DPP6: variants seen among roughly 807,000 people sequenced by gnomAD.
DPP6 encodes the protein dipeptidyl peptidase like 6, also known as A-type potassium channel modulatory protein DPP6.
In DPP6, 69 loss-of-function variants were observed where a neutral mutation model predicts 122.6. That is an observed-to-expected ratio of 0.56 (90% CI 0.46 to 0.69). DPP6 has a LOEUF of 0.69. Among genes scored for constraint, DPP6 ranks in the 30% least tolerant of loss-of-function variants. The probability of loss-of-function intolerance (pLI) is 0.00; values close to 1 mark genes in which losing one functional copy is unlikely to be tolerated. For missense variants in DPP6, 928 were observed against 1,116.9 expected (o/e 0.83, Z 2.41); for synonymous variants, 418 against 433.1 (o/e 0.97, Z 0.43).
the DPP6 span, among the ~76,000 whole-genome samples, chr7:153,866,468 T>C: frequency 4.6e-5 from 7 of 152,376 alleles, no homozygotes; most frequent in South Asian, 1.4e-3. Flanking sequence ...GAAGTGTCTG[T>C]TCATATCCTT....
At chr7:153,936,810 CAA>C (rs11352622) in intron 1 of DPP6, among the ~76,000 whole-genome samples, 6 of 148,272 alleles carry the variant, frequency 4.0e-5, no homozygotes, top group South Asian at 2.2e-4. Context: ...GACTCCGTCT[CAA>C]AAAAAAAAAG....
intron 3 of DPP6, among the ~76,000 whole-genome samples, chr7:154,518,848 T>C (rs111343688): frequency 1.8e-4 from 27 of 152,314 alleles, no homozygotes; most frequent in African/African-American, 4.8e-4. Context: ...CCCATTTTTT[T>C]TCAGATGGGA....
chr7:154,641,441 A>G (rs1053841008), intron 6 of DPP6, among the ~76,000 whole-genome samples: 1 of 152,238 alleles, frequency 6.6e-6, no homozygotes, highest in Non-Finnish European at 1.5e-5. Flanking sequence ...GGAATCTTCC[A>G]TGGTGGAGTC....
intron 1 of DPP6, among the ~76,000 whole-genome samples, chr7:153,964,785 TC>T (rs11323803): frequency 0.01 from 727 of 71,562 alleles, 17 homozygotes; most frequent in African/African-American, 0.037. Flanking sequence ...GTGGCTCCTT[TC>T]CTTTCCTTTC....
chr7:154,487,863 G>A (rs1002664824), intron 3 of DPP6, among the ~76,000 whole-genome samples: 5 of 152,002 alleles, frequency 3.3e-5, no homozygotes, highest in South Asian at 2.1e-4. Flanking sequence ...TGATCTCTTC[G>A]GTAACTGAGC....
chr7:153,990,004 T>A (rs1797079475), intron 1 of DPP6, among the ~76,000 whole-genome samples: 1 of 98,966 alleles, frequency 1.0e-5, no homozygotes, highest in Non-Finnish European at 2.0e-5. Flanking sequence ...AGCCTTGCCC[T>A]CAGTCCTGCC....
chr7:154,498,830 C>T (rs1305873203), intron 3 of DPP6, among the ~76,000 whole-genome samples: 5 of 152,188 alleles, frequency 3.3e-5, no homozygotes, highest in Admixed American at 2.0e-4. Context: ...CCACCACCTA[C>T]GCTGTAAAAA....
chr7:154,303,408 C>G (rs776074060), intron 1 of DPP6, among the ~76,000 whole-genome samples: 1 of 152,108 alleles, frequency 6.6e-6, no homozygotes, highest in African/African-American at 2.4e-5. Context: ...GACCTTACAC[C>G]GCAGTGGCTC....
intron 1 of DPP6, among the ~76,000 whole-genome samples, chr7:153,893,382 C>T (rs1453279136): frequency 6.6e-6 from 1 of 152,222 alleles, no homozygotes; most frequent in Non-Finnish European, 1.5e-5. Flanking sequence ...ATATGAACAT[C>T]TAGTATTCAT....
Position 154,123,471 on chromosome 7 carries a change from G to T in DPP6, c.243+70408G>T, listed in dbSNP as rs1454643273. 2.0e-5 allele frequency among the ~76,000 whole-genome samples: 3 copies of T among 152,042 alleles called. No homozygotes were observed. The South Asian group carries it at 6.2e-4, about 32-fold the overall frequency. ...TAATAAGTGGTATTTCATAAACCAG[G>T]ATACATGATCATTTACTTCCTGATA... On this transcript the variant is annotated intron_variant, in intron 1 of 25. Coordinates refer to ENST00000377770, the MANE Select transcript of DPP6 (RefSeq NM_130797.4).
chr7:154,525,670 A>G (rs1827348052), intron 3 of DPP6, among the ~76,000 whole-genome samples: 1 of 152,248 alleles, frequency 6.6e-6, no homozygotes, highest in Admixed American at 6.5e-5. Context: ...CACATGGTCC[A>G]TACCAAATAT....
At chr7:153,833,127 C>G in the DPP6 span, among the ~76,000 whole-genome samples, 3 of 152,152 alleles carry the variant, frequency 2.0e-5, no homozygotes, top group African/African-American at 7.2e-5. Flanking sequence ...CATGGCAATG[C>G]GAAAATGTTG....
chr7:154,845,649 A>G (rs774490076), intron 16 of DPP6, among the ~76,000 whole-genome samples: 4 of 152,222 alleles, frequency 2.6e-5, no homozygotes, highest in Non-Finnish European at 5.9e-5. Flanking sequence ...GTACCCTAGA[A>G]CTTAAAGTAT....
At chr7:154,747,980 T>C (rs1182195621) in intron 8 of DPP6, among the ~76,000 whole-genome samples, 3 of 152,060 alleles carry the variant, frequency 2.0e-5, no homozygotes, top group African/African-American at 7.2e-5. Flanking sequence ...TGAGAATGAA[T>C]AGATAAAGGG....
chr7:154,102,563 C>A (rs776447560), intron 1 of DPP6, among the ~76,000 whole-genome samples: 22 of 152,156 alleles, frequency 1.4e-4, no homozygotes, highest in Admixed American at 6.5e-4. Context: ...CTTCATTCTT[C>A]CATGTGCGTT....
chr7:154,199,580 C>G (rs999456091), intron 1 of DPP6, among the ~76,000 whole-genome samples: 1 of 151,886 alleles, frequency 6.6e-6, no homozygotes, highest in African/African-American at 2.4e-5. Flanking sequence ...AAAAATTAAC[C>G]TCATGGCATC....
At chr7:154,552,487 T>A (rs1054046059) in intron 4 of DPP6, among the ~76,000 whole-genome samples, 3 of 152,232 alleles carry the variant, frequency 2.0e-5, no homozygotes, top group Admixed American at 2.0e-4. Context: ...AGAACTCATC[T>A]GTACCACCCA....
rs550426240 is a variant in DPP6 at position 153,958,204 on chromosome 7, A to G, written c.51+70470A>G. 2.0e-5 allele frequency among the ~76,000 whole-genome samples: 3 copies of G among 152,240 alleles called. No individual in the cohort carries two copies. The South Asian group carries it at 6.2e-4, about 32-fold the overall frequency. On this transcript the variant is annotated intron_variant, in intron 1 of 25. Coordinates refer to the DPP6 transcript ENST00000404039. ...AACAAGCAGATAGACCACAAAATAG[A>G]CAATGGCTTGAACACAATAACTGCT...
At chr7:154,474,855 T>C in intron 2 of DPP6, 84 bp from the exon 3 acceptor site, 1 of 1,059,094 alleles carries the variant, frequency 9.4e-7, no homozygotes, top group Non-Finnish European at 1.4e-6. Flanking sequence ...ATACTATTTA[T>C]AAATGACAAT....
Sources: gnomAD v4.1 joint callset for allele counts (sites outside exome capture counted in the v4.1 genomes callset) on GRCh38, gnomAD v4.1.1 for gene constraint, MANE v1.5 for transcripts, NCBI Gene and HGNC (gene_info 2026-07-23, HGNC 2026-07-21) for gene names.